Variants in ZNHIT6 observed in about 807,000 individuals in gnomAD.
ZNHIT6 encodes box C/D snoRNA protein 1.
In ZNHIT6, 45 loss-of-function variants were observed where a neutral mutation model predicts 57.2. The observed-to-expected ratio is 0.79, with a 90% CI of 0.62 to 1.01. ZNHIT6 has a LOEUF of 1.01. Among genes scored for constraint, ZNHIT6 ranks in the 50% least tolerant of loss-of-function variants. ZNHIT6 has a pLI of 0.00. For synonymous variants in ZNHIT6, 188 were observed against 190.0 expected (o/e 0.99, Z 0.09); for missense variants, 528 against 567.3 (o/e 0.93, Z 0.70).
Position 85,681,744 on chromosome 1 carries a change from G to A in ZNHIT6, c.1020-840C>T, listed in dbSNP as rs74401606. Among the ~76,000 whole-genome samples, 1,429 of 152,196 alleles carry A rather than the reference G, an allele frequency of 9.4e-3. 58 individuals are homozygous for A. Among genetic ancestry groups the A allele is most frequent in the Admixed American group, 0.063 (956 of 15,282 alleles). On this transcript the variant is annotated intron_variant, in intron 5 of 9. Transcript: ENST00000370574. ...CACCAAACATCTATATGATTTAGTA[G>A]AATTTCTGTCAGAAGACAAAGAACA...
chr1:85,665,231 T>G (rs1471925603), intron 8 of ZNHIT6, among the ~76,000 whole-genome samples: 1 of 152,162 alleles, frequency 6.6e-6, no homozygotes, highest in Non-Finnish European at 1.5e-5. Flanking sequence ...TTTGCTCAAT[T>G]TTATTGAGGT....
At chr1:85,668,134 C>T (rs1402192810) in intron 8 of ZNHIT6, among the ~76,000 whole-genome samples, 1 of 150,594 alleles carries the variant, frequency 6.6e-6, no homozygotes, top group African/African-American at 2.4e-5. Context: ...TTACCTATGA[C>T]CTTTACGTTT....
At chr1:85,689,236 A>T (rs1662147970) in intron 5 of ZNHIT6, among the ~76,000 whole-genome samples, 1 of 152,214 alleles carries the variant, frequency 6.6e-6, no homozygotes, top group Non-Finnish European at 1.5e-5. Context: ...AAAATACAAA[A>T]TCTATAAAAT....
At position 85,702,366 on chromosome 1, in the gene ZNHIT6, G is replaced by A. The variant is rs180746497; in HGVS notation, c.916-106C>T. The A allele has an allele frequency of 2.3e-4, 152 of 672,496 alleles. 2 individuals carry two copies. The East Asian group carries it at 3.0e-3, about 13-fold the overall frequency. The allele number at this position is 672,496 out of a possible 1,614,324, so 41.7% of individuals were successfully genotyped here. On this transcript the variant is annotated intron_variant, in intron 4 of 9. Transcript: ENST00000370574. Reference sequence around the variant, plus strand: ...GTTAAGATTTACTGAGAACCTAAGTGTTACAACAGCTCTAAGCAGTAATCT... The same window carrying A: ...GTTAAGATTTACTGAGAACCTAAGTATTACAACAGCTCTAAGCAGTAATCT...
intron 8 of ZNHIT6, among the ~76,000 whole-genome samples, chr1:85,665,577 A>G (rs995452144): frequency 1.3e-5 from 2 of 152,188 alleles, no homozygotes; most frequent in Non-Finnish European, 2.9e-5. Flanking sequence ...CAAGTATACA[A>G]TACAGTATTG....
rs1557881269 is a variant in ZNHIT6, at chr1:85,707,873, T to G, written c.412A>C (p.Lys138Gln). The G allele has an allele frequency of 6.2e-7, 1 of 1,614,062 alleles. No individual in the cohort carries two copies. Among genetic ancestry groups the G allele is most frequent in the East Asian group, 2.2e-5 (1 of 44,872 alleles). ...KEAKVGEPEV[K>Q]EEKVKEEVMD... ...ACCTCTTCCTTTACCTTCTCTTCCT[T>G]TACCTCTGGTTCACCCACCTTCGCT... Residue 138 changes from lysine to glutamine, a missense_variant, in exon 1 of 10, where the codon AAG becomes CAG. Lys to Gln is a moderately conservative substitution (Grantham distance 53). Coordinates refer to ENST00000370574, the MANE Select transcript of ZNHIT6 (RefSeq NM_017953.4).
intron 5 of ZNHIT6, among the ~76,000 whole-genome samples, chr1:85,700,615 C>G (rs529339648): frequency 7.2e-5 from 11 of 152,094 alleles, no homozygotes; most frequent in Non-Finnish European, 1.2e-4. Flanking sequence ...TTACTGAGAA[C>G]TAATCTCTGA....
chr1:85,706,358 GA>G lies in ZNHIT6; in HGVS notation c.723-4del. The stretch of plus-strand genomic sequence containing the variant: ...TGTGTTTCTTTACACAGGGCAAACT[GA>G]AAAGACAAAGGGGAAGTACTTTTAT... On this transcript the variant is annotated splice_polypyrimidine_tract_variant and splice_region_variant and intron_variant, in intron 2 of 9. Transcript: ENST00000370574. The G allele has an allele frequency of 6.2e-7, 1 of 1,613,774 alleles. No homozygotes were observed. The highest frequency in any genetic ancestry group is 1.1e-5 in the South Asian group (1 of 91,046).
intron 8 of ZNHIT6, among the ~76,000 whole-genome samples, chr1:85,668,324 T>C (rs2100661302): frequency 6.6e-6 from 1 of 152,208 alleles, no homozygotes; most frequent in South Asian, 2.1e-4. Context: ...TATTGATTCT[T>C]AGATTAAATG....
Position 85,667,961 on chromosome 1 carries a change from A to AAAAAAAAAAAAAAAAATGTAT in ZNHIT6, c.1247+9274_1247+9275insATACATTTTTTTTTTTTTTTT. On this transcript the variant is annotated intron_variant, in intron 8 of 9. Transcript: ENST00000370574. ...ACTCTCTCTTTCAAAAAAAAAAAAA[A>AAAAAAAAAAAAAAAAATGTAT]ATATATATATATATATATATATATG... 3.8e-4 allele frequency among the ~76,000 whole-genome samples: 7 copies of AAAAAAAAAAAAAAAAATGTAT among 18,202 alleles called. 2 individuals carry two copies. Among genetic ancestry groups the AAAAAAAAAAAAAAAAATGTAT allele is most frequent in the African/African-American group, 1.3e-3 (6 of 4,712 alleles). 11.9% of individuals were successfully genotyped at this position (18,202 alleles called of 152,430 possible).
chr1:85,663,663 T>C (rs1055057976), intron 8 of ZNHIT6, among the ~76,000 whole-genome samples: 2 of 152,182 alleles, frequency 1.3e-5, no homozygotes, highest in African/African-American at 4.8e-5. Context: ...AAATGTAAAG[T>C]GACACTGGCT....
At position 85,702,364 on chromosome 1, in the gene ZNHIT6, G is replaced by A. The variant is rs1168584456; in HGVS notation, c.916-104C>T. The A allele has an allele frequency of 5.9e-6, 4 of 680,270 alleles. No individual in the cohort carries two copies. The East Asian group carries it at 1.1e-4, about 19-fold the overall frequency. 42.1% of individuals were successfully genotyped at this position (680,270 alleles called of 1,614,324 possible). On this transcript the variant is annotated intron_variant, in intron 4 of 9. Transcript: ENST00000370574. ...TAGTTAAGATTTACTGAGAACCTAA[G>A]TGTTACAACAGCTCTAAGCAGTAAT...
At chr1:85,691,136 G>T (rs1662207040) in intron 5 of ZNHIT6, among the ~76,000 whole-genome samples, 1 of 152,060 alleles carries the variant, frequency 6.6e-6, no homozygotes, top group African/African-American at 2.4e-5. Flanking sequence ...TCATAAAACT[G>T]GTACTATTAC....
At position 85,706,064 on chromosome 1, in the gene ZNHIT6, G is replaced by A; in HGVS notation, c.915+14C>T. On this transcript the variant is annotated intron_variant, in intron 4 of 9. Transcript: ENST00000370574. ...AAGGACTTCTAACTGGAAGAAATTA[G>A]GAAAAAATCTTACATATTTATTGCT... is the stretch of plus-strand genomic sequence containing the variant. 1.9e-6 allele frequency: 3 copies of A among 1,588,892 alleles called. No homozygotes were observed. Among genetic ancestry groups the A allele is most frequent in the Non-Finnish European group, 2.6e-6 (3 of 1,168,992 alleles).
intron 4 of ZNHIT6, 41 bp from the exon 5 acceptor site, chr1:85,702,301 C>T: frequency 8.1e-7 from 1 of 1,236,092 alleles, no homozygotes; most frequent in East Asian, 2.4e-5. Context: ...TTTTTAAATT[C>T]CTTAAATTTA....
intron 4 of ZNHIT6, among the ~76,000 whole-genome samples, chr1:85,704,351 T>C (rs1380799124): frequency 1.3e-5 from 2 of 152,166 alleles, no homozygotes; most frequent in South Asian, 2.1e-4. Context: ...AACTGTTTTT[T>C]ATTCTTACAG....
chr1:85,677,177 CTTAA>C (rs1661725647), intron 8 of ZNHIT6, 55 bp downstream of exon 8: 1 of 1,323,672 alleles, frequency 7.6e-7, no homozygotes, highest in South Asian at 1.4e-5. Flanking sequence ...AATCAAGCTA[CTTAA>C]TTATATTACA....
chr1:85,694,756 G>A (rs933325441), intron 5 of ZNHIT6, among the ~76,000 whole-genome samples: 5 of 152,046 alleles, frequency 3.3e-5, no homozygotes, highest in African/African-American at 1.2e-4. Context: ...CACCACGGCT[G>A]GCCTCAAATT....
chr1:85,697,036 ATTTTT>A lies in ZNHIT6; in HGVS notation c.1019+5116_1019+5120del, dbSNP rs67423915. ...CCACCACGCCCAGCTAATTTTTCGT[ATTTTT>A]TTTTTTTTTTAGTAGAGACGGGGTT... On this transcript the variant is annotated intron_variant, in intron 5 of 9. Coordinates refer to ENST00000370574, the MANE Select transcript of ZNHIT6 (RefSeq NM_017953.4). Among the ~76,000 whole-genome samples the A allele has an allele frequency of 6.3e-3, 914 of 146,062 alleles. 6 individuals are homozygous for A. Among genetic ancestry groups the A allele is most frequent in the African/African-American group, 0.018 (697 of 38,636 alleles).
Sources: gnomAD v4.1 joint callset for allele counts (sites outside exome capture counted in the v4.1 genomes callset) on GRCh38, gnomAD v4.1.1 for gene constraint, MANE v1.5 for transcripts, NCBI Gene and HGNC (gene_info 2026-07-23, HGNC 2026-07-21) for gene names.